DOCK4: variants seen among roughly 807,000 people sequenced by gnomAD.
The protein encoded by DOCK4 is dedicator of cytokinesis protein 4.
DOCK4 carries 97 observed loss-of-function variants against 268.1 expected under a neutral mutation model. That is an observed-to-expected ratio of 0.36 (90% CI 0.31 to 0.43). The LOEUF (loss-of-function observed/expected upper bound fraction) is 0.43, where lower values mean the gene tolerates loss of function less well. Ranked by LOEUF, DOCK4 falls within the 20% of genes least tolerant of loss-of-function variation. DOCK4 has a pLI of 1.00. For synonymous variants in DOCK4, 954 were observed against 887.2 expected (o/e 1.08, Z -1.34); for missense variants, 2,145 against 2,455.7 (o/e 0.87, Z 2.67).
intron 17 of DOCK4, among the ~76,000 whole-genome samples, chr7:111,876,076 A>G: frequency 6.6e-6 from 1 of 152,174 alleles, no homozygotes; most frequent in East Asian, 1.9e-4. Context: ...ATAAAAAAAT[A>G]CTTGAGGTTT....
At chr7:112,104,746 A>G (rs1316242368) in intron 1 of DOCK4, among the ~76,000 whole-genome samples, 4 of 152,230 alleles carry the variant, frequency 2.6e-5, no homozygotes, top group African/African-American at 7.2e-5. Flanking sequence ...AAGTTTCAAA[A>G]TGTTTATAAT....
At chr7:111,853,938 T>G (rs1487747721) in intron 23 of DOCK4, among the ~76,000 whole-genome samples, 1 of 143,394 alleles carries the variant, frequency 7.0e-6, no homozygotes, top group African/African-American at 2.8e-5. Flanking sequence ...TGTTGTTTGG[T>G]TTTTTTTTTG....
intron 16 of DOCK4, among the ~76,000 whole-genome samples, chr7:111,877,904 C>T (rs1807047320): frequency 1.3e-5 from 2 of 152,326 alleles, no homozygotes; most frequent in East Asian, 3.9e-4. Context: ...TTACTTCCTA[C>T]TGGCAAGAAG....
At chr7:111,879,746 A>T (rs1807219398) in intron 16 of DOCK4, among the ~76,000 whole-genome samples, 1 of 152,268 alleles carries the variant, frequency 6.6e-6, no homozygotes, top group African/African-American at 2.4e-5. Context: ...ATTAAAAAGA[A>T]GCAGAAATTC....
chr7:112,028,054 A>C (rs1247670400), intron 1 of DOCK4, among the ~76,000 whole-genome samples: 3 of 152,206 alleles, frequency 2.0e-5, no homozygotes, highest in Admixed American at 1.3e-4. Flanking sequence ...ATAGCCCTGA[A>C]CTTGAGTTTT....
chr7:111,823,369 G>T (rs1802151201), intron 26 of DOCK4, among the ~76,000 whole-genome samples: 2 of 151,814 alleles, frequency 1.3e-5, no homozygotes, highest in Admixed American at 1.3e-4. Flanking sequence ...ACCACGTCCA[G>T]CTAATTTTTT....
At chr7:112,138,555 G>A (rs1814583349) in intron 1 of DOCK4, among the ~76,000 whole-genome samples, 1 of 152,308 alleles carries the variant, frequency 6.6e-6, no homozygotes, top group South Asian at 2.1e-4. Flanking sequence ...CAAAATGACA[G>A]AATAGCATAC....
In DOCK4 at chr7:112,093,139, T is replaced by A. The variant is rs149774554; in HGVS notation, c.38-89008A>T. On this transcript the variant is annotated intron_variant, in intron 1 of 52. Transcript: ENST00000428084. ...GCTGCTGCATCCTTAAATAGGCAGA[T>A]AGTCACGCTGTTGCTTGGAAGAATA... is the stretch of plus-strand genomic sequence containing the variant. 1.1e-3 allele frequency among the ~76,000 whole-genome samples: 166 copies of A among 152,262 alleles called. 1 individual carries two copies. Among genetic ancestry groups the A allele is most frequent in the African/African-American group, 3.9e-3 (161 of 41,548 alleles).
intron 30 of DOCK4, among the ~76,000 whole-genome samples, chr7:111,797,386 G>A (rs192695412): frequency 9.2e-5 from 14 of 152,106 alleles, no homozygotes; most frequent in Admixed American, 5.9e-4. Context: ...CTGATTTTCC[G>A]AAGACCCTAA....
intron 23 of DOCK4, among the ~76,000 whole-genome samples, chr7:111,853,684 C>A (rs1804768744): frequency 6.6e-6 from 1 of 152,128 alleles, no homozygotes; most frequent in African/African-American, 2.4e-5. Context: ...CAGATCCCAC[C>A]CACTGGCTTT....
At chr7:112,173,788 T>A (rs1351854382) in intron 1 of DOCK4, among the ~76,000 whole-genome samples, 1 of 151,968 alleles carries the variant, frequency 6.6e-6, no homozygotes, top group African/African-American at 2.4e-5. Flanking sequence ...CAATTCCACG[T>A]GGAAAATAGC....
chr7:111,940,937 T>A (rs1249552229), intron 10 of DOCK4, among the ~76,000 whole-genome samples: 1 of 152,206 alleles, frequency 6.6e-6, no homozygotes, highest in African/African-American at 2.4e-5. Flanking sequence ...AAAATGATTT[T>A]AAAAATCTGC....
At chr7:111,792,295 G>C (rs1372587977) in intron 30 of DOCK4, among the ~76,000 whole-genome samples, 1 of 152,260 alleles carries the variant, frequency 6.6e-6, no homozygotes, top group Non-Finnish European at 1.5e-5. Flanking sequence ...CAGAAAGATA[G>C]CTGGCTTCAT....
At chr7:112,165,813 C>A (rs1817566280) in intron 1 of DOCK4, among the ~76,000 whole-genome samples, 1 of 152,056 alleles carries the variant, frequency 6.6e-6, no homozygotes, top group Non-Finnish European at 1.5e-5. Context: ...ACCTAGGAAT[C>A]ATTCAGTAAC....
Position 111,889,310 on chromosome 7 carries a change from C to T in DOCK4, c.1587+6302G>A, listed in dbSNP as rs187498787. Among the ~76,000 whole-genome samples, 179 of 152,136 alleles carry T rather than the reference C, an allele frequency of 1.2e-3. 2 individuals carry two copies. Among genetic ancestry groups the T allele is most frequent in the Non-Finnish European group, 6.2e-4 (42 of 68,000 alleles). ...AAGCCTGGGGAAGACAGATATGTTC[C>T]TGGCTTGTCTAAGATTTATAGATTA... On this transcript the variant is annotated intron_variant, in intron 16 of 52. Transcript: ENST00000428084.
chr7:112,048,902 A>G (rs1357705549), intron 1 of DOCK4, among the ~76,000 whole-genome samples: 2 of 152,078 alleles, frequency 1.3e-5, no homozygotes, highest in African/African-American at 4.8e-5. Context: ...CCCCACACGC[A>G]TTAGCTATTT....
chr7:111,826,777 A>G (rs1479484897), intron 26 of DOCK4, among the ~76,000 whole-genome samples: 1 of 152,194 alleles, frequency 6.6e-6, no homozygotes, highest in African/African-American at 2.4e-5. Context: ...CCTATTGGGT[A>G]CTACATTCAC....
chr7:112,194,828 C>T (rs1001565780), intron 1 of DOCK4, among the ~76,000 whole-genome samples: 2 of 152,168 alleles, frequency 1.3e-5, no homozygotes, highest in African/African-American at 4.8e-5. Flanking sequence ...CATTTTAAAA[C>T]TCATTACAAT....
rs1158316993 is a variant in DOCK4, at chr7:111,726,222, T to C, written c.*2052A>G. On this transcript the variant is annotated 3_prime_UTR_variant, in exon 53 of 53. Transcript: ENST00000428084. ...TTCTGCTATGTAGCTGCTTCAGAAA[T>C]ACACACACATGATAAATTCAAGATA... The C allele has an allele frequency of 1.3e-5, 2 of 152,626 alleles. No homozygotes were observed. The highest frequency in any genetic ancestry group is 2.9e-5 in the Non-Finnish European group (2 of 68,028). 9.5% of individuals were successfully genotyped at this position (152,626 alleles called of 1,614,324 possible).
Sources: gnomAD v4.1 joint callset for allele counts (sites outside exome capture counted in the v4.1 genomes callset) on GRCh38, gnomAD v4.1.1 for gene constraint, MANE v1.5 for transcripts, NCBI Gene and HGNC (gene_info 2026-07-23, HGNC 2026-07-21) for gene names.